MIPOL1: variants seen among roughly 807,000 people sequenced by gnomAD.
MIPOL1 encodes mirror-image polydactyly gene 1 protein.
A neutral mutation model predicts 60.9 loss-of-function variants in MIPOL1; 57 were observed. The ratio of observed to expected loss-of-function variants is 0.94; its 90% CI spans 0.76 to 1.17. The LOEUF is 1.17. Among genes scored for constraint, MIPOL1 ranks in the 50% most tolerant of loss-of-function variants. The pLI, the probability that MIPOL1 is intolerant of heterozygous loss-of-function variation, is 0.00. For synonymous variants in MIPOL1, 179 were observed against 168.8 expected (o/e 1.06, Z -0.47); for missense variants, 551 against 511.6 (o/e 1.08, Z -0.74).
chr14:37,434,412 T>G (rs1178741278), intron 11 of MIPOL1: 1 of 152,194 alleles, frequency 6.6e-6, no homozygotes, highest in Admixed American at 6.5e-5. Context: ...TTAAGTTCCT[T>G]GTAGGTTCTG....
chr14:37,232,418 A>G (rs894811628), intron 1 of MIPOL1, among the ~76,000 whole-genome samples: 5 of 152,082 alleles, frequency 3.3e-5, no homozygotes, highest in African/African-American at 9.7e-5. Flanking sequence ...TTTGTCTCAC[A>G]TTTTTTCTCA....
At chr14:37,451,807 TC>T (rs2094421166) in intron 11 of MIPOL1, among the ~76,000 whole-genome samples, 3 of 104,188 alleles carry the variant, frequency 2.9e-5, no homozygotes, top group African/African-American at 1.3e-4. Context: ...GTTTATTCTC[TC>T]TTTTTTTTTT....
intron 7 of MIPOL1, among the ~76,000 whole-genome samples, chr14:37,299,009 T>A (rs1244444844): frequency 6.6e-6 from 1 of 151,876 alleles, no homozygotes; most frequent in African/African-American, 2.4e-5. Flanking sequence ...GTATGTTTAT[T>A]GTGGCACTAT....
At chr14:37,524,210 G>A (rs945904883) in intron 12 of MIPOL1, among the ~76,000 whole-genome samples, 1 of 152,174 alleles carries the variant, frequency 6.6e-6, no homozygotes, top group African/African-American at 2.4e-5. Context: ...CTATGTGGAA[G>A]ATAATTGGAA....
chr14:37,303,096 A>C (rs1013259845), intron 7 of MIPOL1, among the ~76,000 whole-genome samples: 1 of 151,982 alleles, frequency 6.6e-6, no homozygotes, highest in Non-Finnish European at 1.5e-5. Context: ...GCTTCTAAAA[A>C]GATTTTTATG....
chr14:37,389,063 T>C lies in MIPOL1; in HGVS notation c.936+19439T>C, dbSNP rs1054863714. On this transcript the variant is annotated intron_variant, in intron 10 of 12. Coordinates refer to ENST00000684589, the MANE Select transcript of MIPOL1 (RefSeq NM_001388067.1). ...CTACTGGAGGTCATGTGCTTATTCA[T>C]TTATCTCTAAAATGATTACTGTGAC... is the stretch of plus-strand genomic sequence containing the variant. Among the ~76,000 whole-genome samples the C allele has an allele frequency of 4.6e-5, 7 of 152,086 alleles. No individual in the cohort carries two copies. The East Asian group carries it at 1.4e-3, about 29-fold the overall frequency.
At chr14:37,408,755 C>T (rs148477702) in intron 10 of MIPOL1, among the ~76,000 whole-genome samples, 2 of 152,326 alleles carry the variant, frequency 1.3e-5, no homozygotes, top group African/African-American at 4.8e-5. Context: ...TAACTTTCAA[C>T]ATAGACTTCT....
At chr14:37,506,992 CAT>C (rs1447256455) in intron 12 of MIPOL1, 1 of 152,096 alleles carries the variant, frequency 6.6e-6, no homozygotes, top group Non-Finnish European at 1.5e-5. Flanking sequence ...AGTCAACAGA[CAT>C]ATGAAAAAAT....
At chr14:37,539,188 G>A (rs1003221279) in intron 12 of MIPOL1, among the ~76,000 whole-genome samples, 6 of 151,390 alleles carry the variant, frequency 4.0e-5, no homozygotes, top group Non-Finnish European at 8.8e-5. Context: ...GGTGACAGAG[G>A]GAGACTCCGT....
chr14:37,278,547 C>A (rs1270232961), intron 6 of MIPOL1: 1 of 151,750 alleles, frequency 6.6e-6, no homozygotes, highest in Admixed American at 6.6e-5. Context: ...AATTTTCCAA[C>A]ATGAATTATT....
intron 7 of MIPOL1, among the ~76,000 whole-genome samples, chr14:37,306,168 G>C (rs567361846): frequency 5.9e-5 from 9 of 151,712 alleles, no homozygotes; most frequent in Non-Finnish European, 1.2e-4. Context: ...AATTTAAAAC[G>C]TTTGAACTCT....
intron 10 of MIPOL1, among the ~76,000 whole-genome samples, chr14:37,417,171 C>T (rs1239731783): frequency 6.6e-6 from 1 of 152,118 alleles, no homozygotes; most frequent in African/African-American, 2.4e-5. Context: ...CTTTTAATCA[C>T]CATTGCTGCA....
At chr14:37,509,765 A>C (rs909643331) in intron 12 of MIPOL1, among the ~76,000 whole-genome samples, 2 of 151,240 alleles carry the variant, frequency 1.3e-5, no homozygotes, top group African/African-American at 4.9e-5. Context: ...ACATACATGT[A>C]TGTTTGTGTG....
At chr14:37,354,327 G>A (rs1233010882) in intron 9 of MIPOL1, among the ~76,000 whole-genome samples, 2 of 118,132 alleles carry the variant, frequency 1.7e-5, no homozygotes, top group Admixed American at 1.0e-4. Context: ...TTACTTCCAA[G>A]TATGCGGTCA....
At chr14:37,377,413 A>G (rs1037709092) in intron 10 of MIPOL1, among the ~76,000 whole-genome samples, 1 of 152,092 alleles carries the variant, frequency 6.6e-6, no homozygotes, top group African/African-American at 2.4e-5. Context: ...TATAGTCATG[A>G]GACAAAGGCC....
At chr14:37,295,259 G>T (rs572492558) in intron 7 of MIPOL1, among the ~76,000 whole-genome samples, 1 of 152,164 alleles carries the variant, frequency 6.6e-6, no homozygotes, top group Non-Finnish European at 1.5e-5. Flanking sequence ...AATGCTGAGA[G>T]ATTTTGTCAC....
intron 9 of MIPOL1, among the ~76,000 whole-genome samples, chr14:37,347,398 A>T (rs1166831133): frequency 6.6e-6 from 1 of 152,238 alleles, no homozygotes; most frequent in Non-Finnish European, 1.5e-5. Flanking sequence ...ACGGCTGAAG[A>T]TAGAATCAAG....
intron 10 of MIPOL1, among the ~76,000 whole-genome samples, chr14:37,372,839 A>G (rs1034426810): frequency 1.3e-5 from 2 of 152,242 alleles, no homozygotes; most frequent in Non-Finnish European, 2.9e-5. Flanking sequence ...AGTAAAACAC[A>G]GTGGTATCTA....
chr14:37,326,057 G>A lies in MIPOL1; in HGVS notation c.828+17538G>A, dbSNP rs541478299. Among the ~76,000 whole-genome samples the A allele has an allele frequency of 8.3e-4, 126 of 152,302 alleles. 1 individual carries two copies. Among genetic ancestry groups the A allele is most frequent in the African/African-American group, 2.7e-3 (111 of 41,572 alleles). On this transcript the variant is annotated intron_variant, in intron 9 of 12. Transcript: ENST00000684589. ...ATCACGAGGGGTAAAAGTGAATGGA[G>A]TCATTCCTATTTTTATCCCTTAATT...
Sources: allele counts gnomAD v4.1 joint callset (sites outside exome capture counted in the v4.1 genomes callset), GRCh38; gene constraint gnomAD v4.1.1; transcripts MANE v1.5; gene names NCBI Gene and HGNC (gene_info 2026-07-23, HGNC 2026-07-21).